Variants in LSAMP observed in about 807,000 individuals in gnomAD.
LSAMP encodes the protein limbic system associated membrane protein, also known as limbic system-associated membrane protein.
LSAMP carries 7 observed loss-of-function variants against 38.6 expected under a neutral mutation model. The ratio of observed to expected loss-of-function variants is 0.18; its 90% CI spans 0.10 to 0.34. The LOEUF is 0.34. Among genes scored for constraint, LSAMP ranks in the 10% least tolerant of loss-of-function variants. The pLI is 1.00. For synonymous variants in LSAMP, 154 were observed against 166.8 expected (o/e 0.92, Z 0.59); for missense variants, 313 against 420.0 (o/e 0.75, Z 2.23).
intron 1 of LSAMP, among the ~76,000 whole-genome samples, chr3:116,374,935 T>C (rs1471597595): frequency 6.6e-6 from 1 of 151,986 alleles, no homozygotes; most frequent in Non-Finnish European, 1.5e-5. Flanking sequence ...AATGGTTCAG[T>C]CAAGACTTAA....
chr3:116,414,601 C>T (rs1179332898), intron 1 of LSAMP, among the ~76,000 whole-genome samples: 2 of 152,074 alleles, frequency 1.3e-5, no homozygotes, highest in African/African-American at 4.8e-5. Flanking sequence ...ACATCTAACT[C>T]ACACAAAAGC....
At chr3:116,018,789 G>A (rs964002575) in intron 3 of LSAMP, among the ~76,000 whole-genome samples, 1 of 152,140 alleles carries the variant, frequency 6.6e-6, no homozygotes, top group African/African-American at 2.4e-5. Flanking sequence ...CGATGGTGGT[G>A]AGAAGGGGAA....
At chr3:116,408,622 C>G (rs1360544020) in intron 1 of LSAMP, among the ~76,000 whole-genome samples, 1 of 151,998 alleles carries the variant, frequency 6.6e-6, no homozygotes, top group African/African-American at 2.4e-5. Flanking sequence ...TCATAGCCAC[C>G]GTGCATGATA....
chr3:116,383,238 A>T (rs182761633), intron 1 of LSAMP, among the ~76,000 whole-genome samples: 5 of 152,026 alleles, frequency 3.3e-5, no homozygotes, highest in African/African-American at 9.6e-5. Context: ...CGTATCTGAA[A>T]CCTCTATTTT....
At chr3:115,897,644 A>G (rs185698463) in intron 3 of LSAMP, among the ~76,000 whole-genome samples, 262 of 152,308 alleles carry the variant, frequency 1.7e-3, no homozygotes, top group Non-Finnish European at 3.0e-3. Context: ...TTCCCATACA[A>G]ATATCTTGGT....
Position 115,984,418 on chromosome 3 carries a change from A to T in LSAMP, c.514+35097T>A, listed in dbSNP as rs371459731. Among the ~76,000 whole-genome samples the T allele has an allele frequency of 3.1e-4, 47 of 152,304 alleles. 1 individual carries two copies. Among genetic ancestry groups the T allele is most frequent in the African/African-American group, 1.1e-3 (44 of 41,556 alleles). On this transcript the variant is annotated intron_variant, in intron 3 of 6. Transcript: ENST00000490035. ...AATAAGAGCATCCAAGGAGAAAGAA[A>T]GAATCAGTGATTTTCTTCCATTTTA...
intron 1 of LSAMP, among the ~76,000 whole-genome samples, chr3:116,213,347 T>C (rs1474017127): frequency 6.6e-6 from 1 of 152,182 alleles, no homozygotes; most frequent in African/African-American, 2.4e-5. Flanking sequence ...CTGATGGTTT[T>C]ATAAAGAGGA....
intron 3 of LSAMP, among the ~76,000 whole-genome samples, chr3:115,979,637 T>C (rs1319627145): frequency 2.6e-5 from 4 of 152,040 alleles, no homozygotes; most frequent in Non-Finnish European, 5.9e-5. Flanking sequence ...TAACCTTGGA[T>C]TGAACTTCCA....
intron 3 of LSAMP, among the ~76,000 whole-genome samples, chr3:115,892,923 T>C (rs1204058603): frequency 6.6e-6 from 1 of 151,644 alleles, no homozygotes; most frequent in Non-Finnish European, 1.5e-5. Flanking sequence ...GTCACAGAAC[T>C]ACAAATATTG....
chr3:116,128,828 C>T (rs1576380798), intron 1 of LSAMP, among the ~76,000 whole-genome samples: 1 of 152,148 alleles, frequency 6.6e-6, no homozygotes, highest in Non-Finnish European at 1.5e-5. Context: ...AAAATTAATT[C>T]TCACTTTCAT....
At chr3:115,899,533 T>C (rs550780971) in intron 3 of LSAMP, among the ~76,000 whole-genome samples, 8 of 152,324 alleles carry the variant, frequency 5.3e-5, no homozygotes, top group African/African-American at 1.9e-4. Context: ...GCCTGATGCC[T>C]ATTTTTAAAC....
At chr3:116,005,886 G>A (rs1427084720) in intron 3 of LSAMP, among the ~76,000 whole-genome samples, 1 of 152,162 alleles carries the variant, frequency 6.6e-6, no homozygotes. Context: ...TAGCAATAGG[G>A]TGGCAGTACT....
intron 2 of LSAMP, among the ~76,000 whole-genome samples, chr3:116,049,532 C>T (rs1453663789): frequency 6.6e-6 from 1 of 152,164 alleles, no homozygotes; most frequent in African/African-American, 2.4e-5. Flanking sequence ...ATGGCGATTA[C>T]AATAGGGTGG....
At chr3:115,977,833 G>GAAGGAAA (rs1357412993) in intron 3 of LSAMP, among the ~76,000 whole-genome samples, 2 of 151,728 alleles carry the variant, frequency 1.3e-5, no homozygotes, top group African/African-American at 4.8e-5. Context: ...AATTTTGAAG[G>GAAGGAAA]AAGGAAAGAA....
chr3:116,098,084 G>A (rs1708262992), intron 1 of LSAMP, among the ~76,000 whole-genome samples: 1 of 152,060 alleles, frequency 6.6e-6, no homozygotes, highest in East Asian at 1.9e-4. Flanking sequence ...TGTGAAATAG[G>A]GGACTCCAGT....
intron 1 of LSAMP, among the ~76,000 whole-genome samples, chr3:116,175,861 T>C (rs2107561197): frequency 6.6e-6 from 1 of 152,254 alleles, no homozygotes; most frequent in South Asian, 2.1e-4. Context: ...ACACTGCTAA[T>C]GGTTATAGTA....
chr3:115,996,455 A>G (rs537461514), intron 3 of LSAMP, among the ~76,000 whole-genome samples: 5 of 152,170 alleles, frequency 3.3e-5, no homozygotes, highest in South Asian at 2.1e-4. Context: ...ATTGCTTTAC[A>G]GTATTATGAC....
intron 1 of LSAMP, among the ~76,000 whole-genome samples, chr3:116,406,864 A>G (rs1295632790): frequency 6.6e-6 from 1 of 152,022 alleles, no homozygotes. Flanking sequence ...AAGTATAAAG[A>G]AAAGGAAGAG....
chr3:116,148,372 T>C (rs143970514), intron 1 of LSAMP, among the ~76,000 whole-genome samples: 59 of 152,118 alleles, frequency 3.9e-4, no homozygotes, highest in African/African-American at 1.4e-3. Flanking sequence ...TTATGATTAC[T>C]AGCAAAGAGC....
Sources: allele counts gnomAD v4.1 joint callset (sites outside exome capture counted in the v4.1 genomes callset), GRCh38; gene constraint gnomAD v4.1.1; transcripts MANE v1.5; gene names NCBI Gene and HGNC (gene_info 2026-07-23, HGNC 2026-07-21).